The following UBN2 variants were observed in gnomAD, a reference collection of about 807,000 sequenced individuals.
UBN2 encodes the protein ubinuclein-2.
A neutral mutation model predicts 120.2 loss-of-function variants in UBN2; 35 were observed. The ratio of observed to expected loss-of-function variants is 0.29; its 90% CI spans 0.22 to 0.39. The LOEUF is 0.39. Ranked by LOEUF, UBN2 falls within the 10% of genes least tolerant of loss-of-function variation. The pLI is 1.00. For missense variants in UBN2, 1,693 were observed against 1,663.2 expected (o/e 1.02, Z -0.31); for synonymous variants, 661 against 648.7 (o/e 1.02, Z -0.29).
In UBN2 at chr7:139,251,986, C is replaced by G; in HGVS notation, c.592C>G (p.Arg198Gly). 6.2e-7 allele frequency: 1 copy of G among 1,614,064 alleles called. No homozygotes were observed. The highest frequency in any genetic ancestry group is 8.5e-7 in the Non-Finnish European group (1 of 1,179,966). Residue 198 changes from arginine (R) to glycine (G), a missense_variant, in exon 3 of 18, where the codon CGG (arginine) becomes GGG (glycine). Around this residue, in one of 5 missense-constraint regions of UBN2, gnomAD observed 663 missense variants for 591.2 expected, o/e 1.12. Transcript: ENST00000473989. The stretch of plus-strand genomic sequence containing the variant: ...GAAACCCCGTAAACACCGGAAGGAT[C>G]GGCTACAAGATTTAATTGATATAGG... ...GGKPRKHRKDRLQDLIDIGFG... is the reference protein window; with the variant it reads ...GGKPRKHRKDGLQDLIDIGFG...
chr7:139,293,701 G>A (rs1473708739), intron 16 of UBN2, 188 bp from the exon 17 acceptor site: 5 of 645,386 alleles, frequency 7.7e-6, no homozygotes, highest in Non-Finnish European at 1.3e-5. Flanking sequence ...TTAAGAGGAA[G>A]TCAGTTGTGT....
rs1798323525 is a variant in UBN2, at chr7:139,304,490, G to GTTTTT, written c.*6658_*6659insTTTTT. On this transcript the variant is annotated 3_prime_UTR_variant, in exon 18 of 18. Coordinates refer to ENST00000473989, the MANE Select transcript of UBN2 (RefSeq NM_173569.4). ...CAGGAAAAGAAAAATGGATGCTGCA[G>GTTTTT]TTTTAGTTGGGGCTAAATGCTGAGC... The GTTTTT allele has an allele frequency of 6.6e-6, 1 of 152,184 alleles. No individual in the cohort carries two copies. The highest frequency in any genetic ancestry group is 1.5e-5 in the Non-Finnish European group (1 of 68,044). 9.4% of individuals were successfully genotyped at this position (152,184 alleles called of 1,614,324 possible). A position where few individuals can be genotyped will look rare whatever the true frequency, so the allele number is the denominator to read the frequency against.
the UBN2 span, among the ~76,000 whole-genome samples, chr7:139,320,867 A>C: frequency 1.3e-5 from 2 of 152,010 alleles, no homozygotes; most frequent in African/African-American, 2.4e-5. Context: ...AAAAAAAAAA[A>C]AACAAACCAT....
downstream of UBN2, among the ~76,000 whole-genome samples, chr7:139,311,941 C>T (rs377156555): frequency 9.2e-5 from 14 of 152,308 alleles, no homozygotes; most frequent in East Asian, 1.7e-3. Flanking sequence ...ATTCCAAGGG[C>T]CTGGCTCCGC....
chr7:139,309,054 A>G (rs1798411312), downstream of UBN2, among the ~76,000 whole-genome samples: 1 of 152,224 alleles, frequency 6.6e-6, no homozygotes, highest in South Asian at 2.1e-4. Context: ...TGACAGAGCG[A>G]GACTCCGTCT....
At chr7:139,290,212 G>T (rs1797913091) in intron 15 of UBN2, among the ~76,000 whole-genome samples, 2 of 152,186 alleles carry the variant, frequency 1.3e-5, no homozygotes, top group Non-Finnish European at 2.9e-5. Context: ...GGGATTACAG[G>T]CATGAGCCAC....
intron 6 of UBN2, 127 bp downstream of exon 6, chr7:139,261,868 A>T: frequency 1.1e-6 from 1 of 947,760 alleles, no homozygotes; most frequent in East Asian, 2.7e-5. Context: ...GATAAAAATA[A>T]TAAACTACAA....
Position 139,284,462 on chromosome 7 carries a change from C to T in UBN2, c.3557C>T (p.Thr1186Ile). The change falls in exon 15 of 18, where the codon ACT becomes ATT. Residue 1186 changes from threonine to isoleucine, a missense_variant. Thr to Ile is a moderately conservative substitution (Grantham distance 89). Transcript: ENST00000473989. ...SNLNSSGANR[T>I]SLSGGTGSGT... is the part of the protein sequence containing the mutation. ...CTTAACTCAAGCGGAGCTAATAGGA[C>T]TAGTCTGTCTGGGGGAACAGGAAGT... 1 of 1,614,186 alleles carries T rather than the reference C, an allele frequency of 6.2e-7. No homozygotes were observed. Among genetic ancestry groups the T allele is most frequent in the Middle Eastern group, 1.6e-4 (1 of 6,062 alleles).
At position 139,282,044 on chromosome 7, in the gene UBN2, A is replaced by C; in HGVS notation, c.2107A>C (p.Thr703Pro). ...VKTLPLHSFPTMLKECSPKKD... is the reference protein window; with the variant it reads ...VKTLPLHSFPPMLKECSPKKD... ...GACCCTTCCTCTCCATTCTTTCCCCACTATGCTTAAGGTAAGTGCTATGGT... is the reference window on the plus strand; with the variant it reads ...GACCCTTCCTCTCCATTCTTTCCCCCCTATGCTTAAGGTAAGTGCTATGGT... Residue 703 changes from threonine to proline, a missense_variant, in exon 14 of 18, where the codon ACT becomes CCT. By Grantham distance (38) the Thr-to-Pro change is conservative. Coordinates refer to ENST00000473989, the MANE Select transcript of UBN2 (RefSeq NM_173569.4). 2 of 1,613,420 alleles carry C rather than the reference A, an allele frequency of 1.2e-6. No homozygotes were observed. Among genetic ancestry groups the C allele is most frequent in the Non-Finnish European group, 1.7e-6 (2 of 1,179,524 alleles).
chr7:139,289,087 A>T (rs1202662706), intron 15 of UBN2, among the ~76,000 whole-genome samples: 3 of 151,844 alleles, frequency 2.0e-5, no homozygotes, highest in African/African-American at 7.3e-5. Context: ...TAAAATGTAG[A>T]GGTCACGGAA....
chr7:139,267,552 GAGAA>G (rs947956357), intron 7 of UBN2, among the ~76,000 whole-genome samples: 16 of 150,608 alleles, frequency 1.1e-4, no homozygotes, highest in Non-Finnish European at 1.8e-4. Flanking sequence ...AAAAAAAAGA[GAGAA>G]AGAGAGAAGG....
intron 17 of UBN2, among the ~76,000 whole-genome samples, chr7:139,296,710 T>C (rs1798118651): frequency 1.3e-5 from 2 of 152,200 alleles, no homozygotes; most frequent in Non-Finnish European, 2.9e-5. Flanking sequence ...CTGCAAGCAT[T>C]TAAACAGCAG....
rs1189598706 is a variant in UBN2, at chr7:139,258,370, C to T, written c.664-118C>T. The T allele has an allele frequency of 7.9e-6, 5 of 636,318 alleles. No homozygotes were observed. The East Asian group carries it at 1.5e-4, about 19-fold the overall frequency. The allele number at this position is 636,318 out of a possible 1,614,324, so 39.4% of individuals were successfully genotyped here. A position where few individuals can be genotyped will look rare whatever the true frequency, so the allele number is the denominator to read the frequency against. ...ATTTATTTTACAAACATCCTTATTG[C>T]AGTCTGTGTTGCAGTTAGGATTTAA... On this transcript the variant is annotated intron_variant, in intron 3 of 17. Coordinates refer to ENST00000473989, the MANE Select transcript of UBN2 (RefSeq NM_173569.4).
chr7:139,254,413 C>G (rs1317703793), intron 3 of UBN2, among the ~76,000 whole-genome samples: 1 of 152,114 alleles, frequency 6.6e-6, no homozygotes, highest in Non-Finnish European at 1.5e-5. Flanking sequence ...CTTCGTCTTA[C>G]AAAAAAGGTT....
Position 139,283,248 on chromosome 7 carries a change from C to A in UBN2, c.2343C>A (p.Asn781Lys). 1 of 1,613,524 alleles carries A rather than the reference C, an allele frequency of 6.2e-7. No homozygotes were observed. Among genetic ancestry groups the A allele is most frequent in the Non-Finnish European group, 8.5e-7 (1 of 1,179,940 alleles). The stretch of plus-strand genomic sequence containing the variant: ...CTTTAGCGGTTATCAACAATGGGAA[C>A]AAGGGCCCTCCAGTTGGCTCAAGGA... The part of the protein sequence containing the change: ...SEALAVINNG[N>K]KGPPVGSRIS... The change falls in exon 15 of 18, where the codon AAC becomes AAA. Residue 781 changes from asparagine to lysine, a missense_variant. Asn to Lys is a moderately conservative substitution (Grantham distance 94). This residue lies in a region of UBN2 where 837 missense variants were observed against 817.6 expected (regional missense o/e 1.02). Coordinates refer to ENST00000473989, the MANE Select transcript of UBN2 (RefSeq NM_173569.4).
rs920228610 is a variant in UBN2 at position 139,231,276 on chromosome 7, G to C, written c.-209G>C. ...GTGGGGGATCCAACATGGCGGCCGC[G>C]GCGACCCTGGCGATGGCGGTGAAGC... On this transcript the variant is annotated 5_prime_UTR_variant, in exon 1 of 18. Coordinates refer to ENST00000473989, the MANE Select transcript of UBN2 (RefSeq NM_173569.4). 6.6e-6 allele frequency among the ~76,000 whole-genome samples: 1 copy of C among 152,266 alleles called. No homozygotes were observed.
At chr7:139,288,038 CTTTCTTACCCTTCAACT>C (rs1797842235) in intron 15 of UBN2, among the ~76,000 whole-genome samples, 1 of 152,204 alleles carries the variant, frequency 6.6e-6, no homozygotes, top group Admixed American at 6.5e-5. Flanking sequence ...GTTTCCTCCT[CTTTCTTACCCTTCAACT>C]TACTGATTTT....
At chr7:139,266,487 C>A in intron 7 of UBN2, 84 bp downstream of exon 7, 2 of 735,824 alleles carry the variant, frequency 2.7e-6, no homozygotes, top group Admixed American at 2.6e-5. Flanking sequence ...GAGTGGTTGG[C>A]AAGTCTTGGG....
intron 15 of UBN2, 88 bp downstream of exon 15, chr7:139,284,662 A>T (rs1797729411): frequency 1.7e-6 from 2 of 1,175,044 alleles, no homozygotes; most frequent in East Asian, 4.9e-5. Flanking sequence ...GCTTTTTATG[A>T]TATGTGGATT....
Sources: gnomAD v4.1 joint callset for allele counts (sites outside exome capture counted in the v4.1 genomes callset) on GRCh38, gnomAD v4.1.1 for gene constraint, gnomAD v4.1.1 regional missense constraint, MANE v1.5 for transcripts, NCBI Gene and HGNC (gene_info 2026-07-23, HGNC 2026-07-21) for gene names.